The following GRHL3 variants were observed in gnomAD, a reference collection of about 807,000 sequenced individuals.
GRHL3 encodes grainyhead-like protein 3 homolog.
GRHL3 carries 20 observed loss-of-function variants against 70.3 expected under a neutral mutation model. That is an observed-to-expected ratio of 0.28 (90% CI 0.20 to 0.41). The LOEUF (loss-of-function observed/expected upper bound fraction) is 0.41. Ranked by LOEUF, GRHL3 falls within the 10% of genes least tolerant of loss-of-function variation. The pLI is 1.00. For synonymous variants in GRHL3, 299 were observed against 299.9 expected (o/e 1.00, Z 0.03); for missense variants, 637 against 762.3 (o/e 0.84, Z 1.94).
downstream of GRHL3, chr1:24,358,646 A>G (rs752036833): frequency 3.2e-6 from 5 of 1,580,358 alleles, no homozygotes; most frequent in African/African-American, 2.7e-5. Flanking sequence ...AGGCGGAGGC[A>G]TTAAGAGAGA....
intron 15 of GRHL3, among the ~76,000 whole-genome samples, chr1:24,361,866 C>T (rs1029955898): frequency 6.6e-6 from 1 of 152,154 alleles, no homozygotes; most frequent in African/African-American, 2.4e-5. Flanking sequence ...AGGGGTTGGA[C>T]AAGATGACCT....
At position 24,319,462 on chromosome 1, in the gene GRHL3, C is replaced by A; in HGVS notation, c.-90C>A. 1.5e-6 allele frequency: 2 copies of A among 1,331,540 alleles called. No homozygotes were observed. The highest frequency in any genetic ancestry group is 2.2e-6 in the Non-Finnish European group (2 of 923,662). 82.5% of individuals were successfully genotyped at this position (1,331,540 alleles called of 1,614,324 possible). On this transcript the variant is annotated 5_prime_UTR_variant, in exon 1 of 16. Coordinates refer to ENST00000361548, the MANE Select transcript of GRHL3 (RefSeq NM_198173.3). ...ACCTCAACATAAATCAAACACTTTC[C>A]CGGGCAGAGAATGTCTGTGTCAGGC... is the stretch of plus-strand genomic sequence containing the variant.
chr1:24,352,011 A>G (rs1640532044), intron 15 of GRHL3, among the ~76,000 whole-genome samples: 1 of 152,060 alleles, frequency 6.6e-6, no homozygotes, highest in Non-Finnish European at 1.5e-5. Context: ...TCCTCTAATC[A>G]CTACGCAATG....
In GRHL3 at chr1:24,331,713, A is replaced by C. The variant is rs192738869; in HGVS notation, c.204+101A>C. 1.1e-3 allele frequency: 1,029 copies of C among 975,588 alleles called. 2 individuals carry two copies. The highest frequency in any genetic ancestry group is 4.6e-3 in the African/African-American group (287 of 61,864). 60.4% of individuals were successfully genotyped at this position (975,588 alleles called of 1,614,324 possible). On this transcript the variant is annotated intron_variant, in intron 2 of 15. Transcript: ENST00000361548. The stretch of plus-strand genomic sequence containing the variant: ...CCCACCATGACCACCCCAGCCCCTC[A>C]TCTCTGGGCCTTTGCACAATGCTGT...
At position 24,363,838 on chromosome 1, in the gene GRHL3, G is replaced by C. The variant is rs145327026; in HGVS notation, c.1695-347G>C. Among the ~76,000 whole-genome samples, 432 of 152,246 alleles carry C rather than the reference G, an allele frequency of 2.8e-3. 5 individuals are homozygous for C. The highest frequency in any genetic ancestry group is 9.8e-3 in the African/African-American group (409 of 41,560). ...ACAGCAGGAGCAAAAGCATGGAATGGGGAAAGCTGTAGCTGTTATGGCAGG... is the reference window on the plus strand; with the variant it reads ...ACAGCAGGAGCAAAAGCATGGAATGCGGAAAGCTGTAGCTGTTATGGCAGG... On this transcript the variant is annotated intron_variant, in intron 15 of 15. Transcript: ENST00000350501.
At chr1:24,352,974 G>A (rs977873959) in intron 15 of GRHL3, among the ~76,000 whole-genome samples, 4 of 152,204 alleles carry the variant, frequency 2.6e-5, no homozygotes, top group African/African-American at 7.2e-5. Flanking sequence ...GCCCTCGGGG[G>A]GTCCTCGTGC....
downstream of GRHL3, among the ~76,000 whole-genome samples, chr1:24,355,594 G>A (rs933014854): frequency 6.6e-6 from 1 of 152,130 alleles, no homozygotes; most frequent in African/African-American, 2.4e-5. Context: ...GGTGTAGAAT[G>A]AGCTTGAAGA....
intron 7 of GRHL3, among the ~76,000 whole-genome samples, chr1:24,338,955 A>T (rs1302910360): frequency 6.6e-6 from 1 of 152,236 alleles, no homozygotes. Context: ...TGTTGAAGAA[A>T]TGGCACTTGC....
In GRHL3 at chr1:24,336,671, C is replaced by G. The variant is rs779025609; in HGVS notation, c.456C>G (p.Pro152=). 5 of 1,614,068 alleles carry G rather than the reference C, an allele frequency of 3.1e-6. No homozygotes were observed. Among genetic ancestry groups the G allele is most frequent in the Non-Finnish European group, 4.2e-6 (5 of 1,180,028 alleles). Residue 152 remains proline, a synonymous_variant, in exon 4 of 16, where the codon CCC becomes CCG. Coordinates refer to ENST00000361548, the MANE Select transcript of GRHL3 (RefSeq NM_198173.3). ...AGGCAGCTCCCCTCCCTGCAGGCCC[C>G]AGCAAGCTGGAGGCCGGCTCTGTGG... ...PGKAAPLPAG[P]SKLEAGSVDS... is the part of the protein sequence containing the mutation.
chr1:24,364,399 G>A (rs1288867809), exon 16 of GRHL3: 2 of 1,512,920 alleles, frequency 1.3e-6, no homozygotes, highest in Admixed American at 2.1e-5. Flanking sequence ...GAGGTGGAAG[G>A]ACGACGGCAG....
At chr1:24,349,334 G>A (rs548710661) in intron 14 of GRHL3, among the ~76,000 whole-genome samples, 3 of 152,330 alleles carry the variant, frequency 2.0e-5, no homozygotes, top group South Asian at 2.1e-4. Flanking sequence ...GGCCTTGGGC[G>A]CGTGGCTTAT....
In GRHL3 at chr1:24,331,252, AGCTCCAGAGTTTGT is replaced by A. The variant is rs1196766887; in HGVS notation, c.18-172_18-159del. On this transcript the variant is annotated intron_variant, in intron 1 of 15. Transcript: ENST00000361548. The stretch of plus-strand genomic sequence containing the variant: ...ACATGGCAACATTTGGAATCGATCC[AGCTCCAGAGTTTGT>A]GTCCATTCTGCTGCCCCACACTGCC... Among the ~76,000 whole-genome samples, 10 of 152,334 alleles carry A rather than the reference AGCTCCAGAGTTTGT, an allele frequency of 6.6e-5. No homozygotes were observed. In the South Asian group the frequency reaches 1.9e-3, roughly 28 times the overall value.
intron 15 of GRHL3, among the ~76,000 whole-genome samples, chr1:24,363,738 A>C (rs1399939619): frequency 6.6e-6 from 1 of 152,228 alleles, no homozygotes; most frequent in Admixed American, 6.5e-5. Context: ...CATTAATTCC[A>C]ACAAGATGAA....
rs772499338 is a variant in GRHL3, at chr1:24,344,866, G to A, written c.1420-31G>A. On this transcript the variant is annotated intron_variant, in intron 11 of 15. Coordinates refer to ENST00000361548, the MANE Select transcript of GRHL3 (RefSeq NM_198173.3). Reference sequence around the variant, plus strand: ...GGGCTCCTCTCATTTTCCTGCGTGTGATGGAAAATGTCTTTTTCACTTCAT... The same window carrying A: ...GGGCTCCTCTCATTTTCCTGCGTGTAATGGAAAATGTCTTTTTCACTTCAT... 3 of 1,613,592 alleles carry A rather than the reference G, an allele frequency of 1.9e-6. No homozygotes were observed. In the Admixed American group the frequency reaches 5.0e-5, roughly 27 times the overall value.
chr1:24,345,119 C>T (rs1259641208), intron 12 of GRHL3, among the ~76,000 whole-genome samples, 188 bp downstream of exon 12: 1 of 85,010 alleles, frequency 1.2e-5, no homozygotes, highest in Non-Finnish European at 2.7e-5. Flanking sequence ...CCCTTTACAC[C>T]TGTGCCCCTC....
intron 15 of GRHL3, among the ~76,000 whole-genome samples, chr1:24,350,663 C>T (rs1014259409): frequency 6.6e-6 from 1 of 152,128 alleles, no homozygotes; most frequent in Non-Finnish European, 1.5e-5. Context: ...CTGACAGAGC[C>T]GTAGGCAGGA....
intron 1 of GRHL3, among the ~76,000 whole-genome samples, chr1:24,325,437 A>G (rs1022589916): frequency 6.6e-6 from 1 of 152,130 alleles, no homozygotes. Flanking sequence ...TCTGCATCCT[A>G]AATTGCTAGG....
At chr1:24,355,626 CAGGCAGCACCCA>C (rs1640690045), downstream of GRHL3, among the ~76,000 whole-genome samples, 1 of 152,208 alleles carries the variant, frequency 6.6e-6, no homozygotes, top group East Asian at 1.9e-4. Flanking sequence ...CTGAGGCCAT[CAGGCAGCACCCA>C]AGGCTGGGAG....
In GRHL3 at chr1:24,323,232, C is replaced by T. The variant is rs1357218715; in HGVS notation, c.17+3664C>T. ...GAAAGAGAACACCTAGAACAGTGTT[C>T]TCAAACTGTGGTCCGTGGACCATCA... On this transcript the variant is annotated intron_variant, in intron 1 of 15. Transcript: ENST00000361548. The T allele has an allele frequency of 8.5e-6, 6 of 704,102 alleles. No homozygotes were observed. In the Admixed American group the frequency reaches 1.3e-4, roughly 15 times the overall value. The allele number at this position is 704,102 out of a possible 1,614,324, so 43.6% of individuals were successfully genotyped here.
Sources: gnomAD v4.1 joint callset for allele counts (sites outside exome capture counted in the v4.1 genomes callset) on GRCh38, gnomAD v4.1.1 for gene constraint, MANE v1.5 for transcripts, NCBI Gene and HGNC (gene_info 2026-07-23, HGNC 2026-07-21) for gene names.